RBM33: variants seen among roughly 807,000 people sequenced by gnomAD.
RBM33 encodes the protein RNA-binding protein 33.
Under a neutral mutation model 132.6 loss-of-function variants are expected in RBM33, and 28 were observed. The ratio of observed to expected loss-of-function variants is 0.21; its 90% CI spans 0.16 to 0.29. The LOEUF (loss-of-function observed/expected upper bound fraction) is 0.29. Among genes scored for constraint, RBM33 ranks in the 10% least tolerant of loss-of-function variants. The pLI is 1.00. For synonymous variants in RBM33, 634 were observed against 593.0 expected (o/e 1.07, Z -1.01); for missense variants, 1,291 against 1,518.5 (o/e 0.85, Z 2.49).
chr7:155,759,694 A>T (rs1255595212), intron 14 of RBM33, among the ~76,000 whole-genome samples: 2 of 152,176 alleles, frequency 1.3e-5, no homozygotes, highest in African/African-American at 4.8e-5. Flanking sequence ...ACAGTTTAAA[A>T]ATTATCAAAT....
rs1021107903 is a variant in RBM33, at chr7:155,775,668, A to G, written c.*627A>G. On this transcript the variant is annotated 3_prime_UTR_variant, in exon 18 of 18. Transcript: ENST00000401878. The stretch of plus-strand genomic sequence containing the variant: ...TCTTGTCACTGTTTCAAAAGCGTCA[A>G]CTCTGTGTTCCTAGTTTCGATGAAC... 6.4e-6 allele frequency: 1 copy of G among 156,886 alleles called. No individual in the cohort carries two copies. Among genetic ancestry groups the G allele is most frequent in the African/African-American group, 2.4e-5 (1 of 41,370 alleles). The allele number at this position is 156,886 out of a possible 1,614,324, so 9.7% of individuals were successfully genotyped here.
intron 14 of RBM33, among the ~76,000 whole-genome samples, chr7:155,759,211 A>G (rs1801947781): frequency 2.0e-5 from 3 of 152,194 alleles, no homozygotes. Context: ...TAATACCTGT[A>G]TTTCTGAACT....
At chr7:155,681,695 G>A (rs745694002) in intron 5 of RBM33, among the ~76,000 whole-genome samples, 45 of 152,104 alleles carry the variant, frequency 3.0e-4, no homozygotes, top group Non-Finnish European at 4.6e-4. Context: ...TGTTGGGATG[G>A]TGACAGAAGT....
intron 9 of RBM33, among the ~76,000 whole-genome samples, chr7:155,726,386 T>C (rs1200887387): frequency 1.3e-5 from 2 of 152,010 alleles, no homozygotes; most frequent in African/African-American, 2.4e-5. Context: ...ACCTGAGTTA[T>C]CAGTTCTTCT....
Position 155,779,484 on chromosome 7 carries a change from G to A in RBM33, c.*4443G>A, listed in dbSNP as rs997320567. On this transcript the variant is annotated 3_prime_UTR_variant, in exon 18 of 18. Transcript: ENST00000401878. ...AAGTTTGTGAATGGAGTGTTATTTT[G>A]GACATTCTTAAATATGAATTCTCCA... 1 of 152,112 alleles carries A rather than the reference G, an allele frequency of 6.6e-6. No homozygotes were observed. Among genetic ancestry groups the A allele is most frequent in the African/African-American group, 2.4e-5 (1 of 41,406 alleles). 9.4% of individuals were successfully genotyped at this position (152,112 alleles called of 1,614,324 possible).
intron 9 of RBM33, among the ~76,000 whole-genome samples, chr7:155,724,409 A>T (rs6459912): frequency 0.29 from 44,130 of 151,900 alleles, 7,813 homozygotes; most frequent in African/African-American, 0.5. Context: ...GTGCCTGTAG[A>T]CCCAGCTATT....
chr7:155,680,976 T>G (rs1799322722), intron 5 of RBM33, 68 bp downstream of exon 5: 3 of 1,280,344 alleles, frequency 2.3e-6, no homozygotes, highest in Non-Finnish European at 3.3e-6. Context: ...CTAGACTGAT[T>G]TGAAATCTAT....
At chr7:155,669,597 A>G (rs1299635834) in intron 2 of RBM33, among the ~76,000 whole-genome samples, 2 of 152,162 alleles carry the variant, frequency 1.3e-5, no homozygotes, top group Admixed American at 6.5e-5. Flanking sequence ...AGGTGATCCA[A>G]CCACCTCAGC....
chr7:155,701,126 C>A, intron 6 of RBM33, 182 bp downstream of exon 6: 2 of 606,178 alleles, frequency 3.3e-6, no homozygotes, highest in Non-Finnish European at 5.9e-6. Flanking sequence ...TCTTTAAAAT[C>A]ATTGCTGTTT....
At chr7:155,672,986 C>A in intron 3 of RBM33, 71 bp downstream of exon 3, 1 of 1,019,264 alleles carries the variant, frequency 9.8e-7, no homozygotes, top group Non-Finnish European at 1.4e-6. Context: ...GCAGTAATCA[C>A]TTATACATGG....
chr7:155,698,413 G>T (rs1289880691), intron 5 of RBM33, among the ~76,000 whole-genome samples: 1 of 152,040 alleles, frequency 6.6e-6, no homozygotes, highest in Non-Finnish European at 1.5e-5. Context: ...TGGTAGACAG[G>T]TTAGTTTTCT....
chr7:155,751,343 A>G (rs1801680712), intron 14 of RBM33, among the ~76,000 whole-genome samples: 1 of 152,170 alleles, frequency 6.6e-6, no homozygotes, highest in Non-Finnish European at 1.5e-5. Context: ...GCACACAGAT[A>G]CTCTCTTACA....
At chr7:155,677,657 T>G (rs1284314510) in intron 3 of RBM33, among the ~76,000 whole-genome samples, 2 of 152,234 alleles carry the variant, frequency 1.3e-5, no homozygotes, top group Non-Finnish European at 2.9e-5. Flanking sequence ...CCTGTGCGAC[T>G]AAGAAGTGCT....
At chr7:155,645,019 C>T (rs1798138817) in intron 1 of RBM33, 100 bp downstream of exon 1, 1 of 832,850 alleles carries the variant, frequency 1.2e-6, no homozygotes. Flanking sequence ...GAGGCTCTCC[C>T]CGGCTCCGAC....
rs1178611539 is a variant in RBM33, at chr7:155,737,656, T to C, written c.1387T>C (p.Leu463=). ...GCCTCAGGATCGAGACCCTTTCTTC[T>C]TAGGAGGTACAGAAAGAGTGAGTGG... The part of the protein sequence containing the change: ...PPPQDRDPFF[L]GVSGEPRFPS... Residue 463 remains leucine, a synonymous_variant, in exon 10 of 18, where the codon TTA becomes CTA. Transcript: ENST00000401878. 1 of 1,586,086 alleles carries C rather than the reference T, an allele frequency of 6.3e-7. No individual in the cohort carries two copies. The highest frequency in any genetic ancestry group is 8.6e-7 in the Non-Finnish European group (1 of 1,169,436).
intron 1 of RBM33, among the ~76,000 whole-genome samples, chr7:155,652,211 G>A (rs1798374372): frequency 6.6e-6 from 1 of 152,112 alleles, no homozygotes; most frequent in Non-Finnish European, 1.5e-5. Context: ...GGAATACAAA[G>A]GTCAGCAAAC....
intron 13 of RBM33, among the ~76,000 whole-genome samples, chr7:155,744,241 A>G (rs913623971): frequency 2.6e-5 from 4 of 152,232 alleles, no homozygotes; most frequent in South Asian, 2.1e-4. Flanking sequence ...TATTATTACA[A>G]TTCTTTAAAA....
intron 1 of RBM33, among the ~76,000 whole-genome samples, chr7:155,660,025 T>G (rs1798598094): frequency 1.3e-5 from 2 of 152,244 alleles, no homozygotes; most frequent in Admixed American, 1.3e-4. Context: ...TAGTGCCCTC[T>G]TTAATATCCA....
chr7:155,700,910 A>G lies in RBM33; in HGVS notation c.705A>G (p.Val235=). 1 of 1,613,090 alleles carries G rather than the reference A, an allele frequency of 6.2e-7. No individual in the cohort carries two copies. Residue 235 remains valine, a synonymous_variant, in exon 6 of 18, where the codon GTA becomes GTG. Transcript: ENST00000401878. ...KEGTIIRLSD[V]TRERRNIPET... ...GAACAATTATTAGGCTCTCAGATGT[A>G]ACTAGAGAGAGAAGGAACATTCCAG...
Sources: gnomAD v4.1 joint callset for allele counts (sites outside exome capture counted in the v4.1 genomes callset) on GRCh38, gnomAD v4.1.1 for gene constraint, MANE v1.5 for transcripts, NCBI Gene and HGNC (gene_info 2026-07-23, HGNC 2026-07-21) for gene names.